The following RPS6KC1 variants were observed in gnomAD, a reference collection of about 807,000 sequenced individuals.
The protein encoded by RPS6KC1 is inactive ribosomal protein S6 kinase delta-1.
A neutral mutation model predicts 103.8 loss-of-function variants in RPS6KC1; 54 were observed. The observed-to-expected ratio is 0.52, with a 90% confidence interval of 0.42 to 0.65. RPS6KC1 has a LOEUF of 0.65. Among genes scored for constraint, RPS6KC1 ranks in the 30% least tolerant of loss-of-function variants. RPS6KC1 has a pLI of 0.00. For missense variants in RPS6KC1, 1,151 were observed against 1,253.8 expected, an observed-to-expected ratio of 0.92 and a Z score of 1.24; for synonymous variants, 439 against 438.7, an observed-to-expected ratio of 1.00 and a Z score of -0.01.
the RPS6KC1 span, among the ~76,000 whole-genome samples, chr1:213,451,852 G>A: frequency 1.2e-4 from 18 of 152,158 alleles, no homozygotes; most frequent in African/African-American, 3.9e-4. Flanking sequence ...CGGATGGAAG[G>A]CTCGCCTTCA....
At chr1:213,276,285 A>T (rs1278204269), downstream of RPS6KC1, among the ~76,000 whole-genome samples, 1 of 152,196 alleles carries the variant, frequency 6.6e-6, no homozygotes, top group African/African-American at 2.4e-5. Context: ...ATATCTTTCT[A>T]GTAAAGATGA....
the RPS6KC1 span, among the ~76,000 whole-genome samples, chr1:213,549,359 T>A: frequency 2.0e-5 from 3 of 152,268 alleles, no homozygotes; most frequent in East Asian, 5.8e-4. Context: ...TTAGCTGGAT[T>A]GTAAATTATT....
At chr1:213,164,312 G>T (rs1413509277) in intron 6 of RPS6KC1, among the ~76,000 whole-genome samples, 2 of 152,166 alleles carry the variant, frequency 1.3e-5, no homozygotes, top group African/African-American at 4.8e-5. Flanking sequence ...CAGAGATGGT[G>T]CACTGAGAAA....
chr1:213,614,287 A>C, the RPS6KC1 span, among the ~76,000 whole-genome samples: 1 of 152,204 alleles, frequency 6.6e-6, no homozygotes, highest in Non-Finnish European at 1.5e-5. Context: ...TAGACCAGGA[A>C]AGGTGCCCCC....
chr1:213,226,734 G>A (rs186347320), intron 8 of RPS6KC1, among the ~76,000 whole-genome samples: 1 of 152,092 alleles, frequency 6.6e-6, no homozygotes, highest in African/African-American at 2.4e-5. Flanking sequence ...TGGTTTCTCA[G>A]TCCTTATTCT....
At chr1:213,542,750 A>G in the RPS6KC1 span, among the ~76,000 whole-genome samples, 10 of 152,246 alleles carry the variant, frequency 6.6e-5, no homozygotes, top group African/African-American at 1.9e-4. Flanking sequence ...CAATGTGCAT[A>G]GATTCTGTAG....
chr1:213,244,378 C>T (rs1172566554), intron 12 of RPS6KC1, among the ~76,000 whole-genome samples: 1 of 151,954 alleles, frequency 6.6e-6, no homozygotes, highest in Non-Finnish European at 1.5e-5. Flanking sequence ...ACAGTGGGAA[C>T]CATATAACAA....
At chr1:213,235,971 C>T (rs1278427336) in intron 10 of RPS6KC1, among the ~76,000 whole-genome samples, 2 of 151,200 alleles carry the variant, frequency 1.3e-5, no homozygotes, top group African/African-American at 4.9e-5. Flanking sequence ...GGTCTCCGGG[C>T]CACAGACGGG....
At chr1:213,503,973 T>C in the RPS6KC1 span, among the ~76,000 whole-genome samples, 3 of 152,106 alleles carry the variant, frequency 2.0e-5, no homozygotes, top group Non-Finnish European at 4.4e-5. Context: ...ATAATAAAAA[T>C]CTGGAAACAA....
chr1:213,223,281 G>A (rs1401533416), intron 8 of RPS6KC1, among the ~76,000 whole-genome samples: 1 of 152,044 alleles, frequency 6.6e-6, no homozygotes, highest in Non-Finnish European at 1.5e-5. Flanking sequence ...TTCTTTAGTG[G>A]TGATTTCTGA....
the RPS6KC1 span, among the ~76,000 whole-genome samples, chr1:213,618,235 A>T: frequency 3.3e-5 from 5 of 152,246 alleles, no homozygotes; most frequent in African/African-American, 1.2e-4. Context: ...ATCCCAGTGT[A>T]ACTTACATTT....
chr1:213,708,023 T>A, the RPS6KC1 span, among the ~76,000 whole-genome samples: 1 of 152,164 alleles, frequency 6.6e-6, no homozygotes, highest in South Asian at 2.1e-4. Context: ...TTGGCTATAC[T>A]GGCTCTTTTT....
chr1:213,367,782 T>G, the RPS6KC1 span, among the ~76,000 whole-genome samples: 21 of 151,018 alleles, frequency 1.4e-4, no homozygotes, highest in Non-Finnish European at 2.5e-4. Flanking sequence ...TCTAAGATCT[T>G]GATTGAAACT....
intron 3 of RPS6KC1, among the ~76,000 whole-genome samples, chr1:213,078,862 G>C (rs995962056): frequency 4.6e-5 from 7 of 151,882 alleles, no homozygotes; most frequent in African/African-American, 1.7e-4. Context: ...TACTTAAAAC[G>C]TAAAGAGAAA....
chr1:213,186,452 C>T (rs2092536812), intron 8 of RPS6KC1, among the ~76,000 whole-genome samples: 1 of 152,114 alleles, frequency 6.6e-6, no homozygotes, highest in African/African-American at 2.4e-5. Context: ...TCTTGTCAGA[C>T]AATGTGGAGG....
At chr1:213,729,606 A>G in the RPS6KC1 span, among the ~76,000 whole-genome samples, 1 of 152,196 alleles carries the variant, frequency 6.6e-6, no homozygotes, top group Non-Finnish European at 1.5e-5. Flanking sequence ...GTCCATTCAT[A>G]GAATCCTCCA....
chr1:213,281,448 T>A, the RPS6KC1 span, among the ~76,000 whole-genome samples: 1 of 152,240 alleles, frequency 6.6e-6, no homozygotes, highest in Non-Finnish European at 1.5e-5. Flanking sequence ...GAAGCCTCTA[T>A]CAGGCAGGTA....
At chr1:213,287,938 A>T in the RPS6KC1 span, among the ~76,000 whole-genome samples, 1 of 148,508 alleles carries the variant, frequency 6.7e-6, no homozygotes, top group African/African-American at 2.4e-5. Context: ...GGTGTGATAT[A>T]AATCAGAATA....
chr1:213,229,109 TG>T (rs1481356663), intron 8 of RPS6KC1, among the ~76,000 whole-genome samples: 1 of 152,122 alleles, frequency 6.6e-6, no homozygotes, highest in East Asian at 1.9e-4. Flanking sequence ...GGCAGGGCCT[TG>T]GGAAGAGGAT....
Sources: gnomAD v4.1 joint callset for allele counts (sites outside exome capture counted in the v4.1 genomes callset) on GRCh38, gnomAD v4.1.1 for gene constraint, MANE v1.5 for transcripts, NCBI Gene and HGNC (gene_info 2026-07-23, HGNC 2026-07-21) for gene names.